TIAM1: variants seen among roughly 807,000 people sequenced by gnomAD.
The protein encoded by TIAM1 is TIAM Rac1 associated GEF 1.
TIAM1 carries 65 observed loss-of-function variants against 163.5 expected under a neutral mutation model. That is an observed-to-expected ratio of 0.40 (90% CI 0.33 to 0.49). The LOEUF is 0.49. TIAM1 is among the 20% of genes least tolerant of loss of function. TIAM1 has a pLI of 0.77. For missense variants in TIAM1, 1,789 were observed against 2,044.7 expected, an observed-to-expected ratio of 0.87 and a Z score of 2.41; for synonymous variants, 833 against 810.1, an observed-to-expected ratio of 1.03 and a Z score of -0.48.
At chr21:31,349,546 C>T (rs1248809096) in intron 2 of TIAM1, among the ~76,000 whole-genome samples, 1 of 152,172 alleles carries the variant, frequency 6.6e-6, no homozygotes, top group Non-Finnish European at 1.5e-5. Flanking sequence ...TACCTCCCTG[C>T]TCGGCAGCAA....
chr21:31,283,778 G>A (rs2073675916), intron 2 of TIAM1, among the ~76,000 whole-genome samples: 1 of 152,044 alleles, frequency 6.6e-6, no homozygotes, highest in African/African-American at 2.4e-5. Flanking sequence ...CTGACCTCAG[G>A]TGATCCACCC....
At position 31,266,649 on chromosome 21, in the gene TIAM1, G is replaced by A; in HGVS notation, c.324C>T (p.Val108=). The change falls in exon 4 of 28, where the codon GTC becomes GTT. Residue 108 remains valine (V), a synonymous_variant. Coordinates refer to ENST00000541036, the MANE Select transcript of TIAM1 (RefSeq NM_001353694.2). The part of the protein sequence containing the change: ...LRPVSYTDSS[V]TPSVDSSIVL... ...CGATGCTGCTGTCTACGCTGGGAGT[G>A]ACAGAAGAGTCAGTGTAAGACACAG... The A allele has an allele frequency of 1.2e-6, 2 of 1,614,228 alleles. No individual in the cohort carries two copies. The highest frequency in any genetic ancestry group is 2.2e-5 in the East Asian group (1 of 44,874).
intron 2 of TIAM1, among the ~76,000 whole-genome samples, chr21:31,295,098 C>T (rs1436299283): frequency 3.3e-5 from 5 of 152,180 alleles, no homozygotes; most frequent in Non-Finnish European, 7.3e-5. Context: ...TCACCATATG[C>T]TTAGCACCCA....
chr21:31,294,920 C>T (rs2074176083), intron 2 of TIAM1, among the ~76,000 whole-genome samples: 1 of 152,220 alleles, frequency 6.6e-6, no homozygotes, highest in African/African-American at 2.4e-5. Context: ...TTCTCTCACT[C>T]CGTCCCCACA....
Position 31,210,161 on chromosome 21 carries a change from T to C in TIAM1, c.2272A>G (p.Ile758Val), listed in dbSNP as rs770464992. 1.2e-6 allele frequency: 2 copies of C among 1,614,028 alleles called. No individual in the cohort carries two copies. Among genetic ancestry groups the C allele is most frequent in the African/African-American group, 1.3e-5 (1 of 74,916 alleles). The change falls in exon 11 of 28, where the codon ATT (isoleucine) becomes GTT (valine). Residue 758 changes from isoleucine (I) to valine (V), a missense_variant. Physicochemically the swap from Ile to Val is conservative, Grantham distance 29. Around this residue, in one of 5 missense-constraint regions of TIAM1, gnomAD observed 456 missense variants for 586.6 expected, o/e 0.78. Transcript: ENST00000541036. ...NVHQHNPDCD[I>V]WVHEYFTPSW... ...GGAGTGAAATACTCGTGGACCCAAA[T>C]GTCGCAGTCAGGGTTGTGCTGGTGA...
chr21:31,396,932 G>A (rs1442668229), intron 2 of TIAM1, among the ~76,000 whole-genome samples: 1 of 152,060 alleles, frequency 6.6e-6, no homozygotes, highest in Non-Finnish European at 1.5e-5. Flanking sequence ...CTGGGCGACA[G>A]AGTGAGACTC....
intron 1 of TIAM1, among the ~76,000 whole-genome samples, chr21:31,538,723 T>C (rs2048219879): frequency 6.6e-6 from 1 of 152,206 alleles, no homozygotes; most frequent in Non-Finnish European, 1.5e-5. Flanking sequence ...AATGCTGCCT[T>C]GGTTTCGAAA....
chr21:31,165,966 C>T (rs2084194421), intron 15 of TIAM1, among the ~76,000 whole-genome samples: 1 of 152,186 alleles, frequency 6.6e-6, no homozygotes, highest in Non-Finnish European at 1.5e-5. Context: ...GAGTGCCCAC[C>T]ACAGTGGTTC....
At chr21:31,514,139 A>G (rs1487236817) in intron 1 of TIAM1, among the ~76,000 whole-genome samples, 3 of 152,112 alleles carry the variant, frequency 2.0e-5, no homozygotes, top group Non-Finnish European at 4.4e-5. Context: ...CCCACCCTCA[A>G]TTGTATTTCA....
chr21:31,385,743 A>C (rs541507201), intron 2 of TIAM1, among the ~76,000 whole-genome samples: 125 of 150,022 alleles, frequency 8.3e-4, no homozygotes, highest in African/African-American at 3.0e-3. Flanking sequence ...TGTACCCTAC[A>C]CCAGCTGTTT....
intron 1 of TIAM1, among the ~76,000 whole-genome samples, chr21:31,508,099 C>T (rs557377061): frequency 1.3e-5 from 2 of 152,302 alleles, no homozygotes; most frequent in South Asian, 4.1e-4. Flanking sequence ...CAGCTGCACA[C>T]TGAGGAAGCC....
At chr21:31,172,220 C>T (rs1036747541) in intron 15 of TIAM1, among the ~76,000 whole-genome samples, 1 of 152,028 alleles carries the variant, frequency 6.6e-6, no homozygotes, top group South Asian at 2.1e-4. Flanking sequence ...TGGGAAAGGG[C>T]ATTGTTCTCA....
intron 3 of TIAM1, among the ~76,000 whole-genome samples, chr21:31,275,382 A>G (rs1452638031): frequency 6.6e-6 from 1 of 152,152 alleles, no homozygotes; most frequent in Non-Finnish European, 1.5e-5. Flanking sequence ...AGTTGAAGAG[A>G]GTAAGGATGT....
chr21:31,417,774 G>A lies in TIAM1; in HGVS notation c.-369+46209C>T, dbSNP rs568284580. Reference sequence around the variant, plus strand: ...GGAGGTTTTCAACAGGATGACCAGGGACAGTCTCGCTGAAAAAGAAACATG... The same window carrying A: ...GGAGGTTTTCAACAGGATGACCAGGAACAGTCTCGCTGAAAAAGAAACATG... On this transcript the variant is annotated intron_variant, in intron 2 of 28. Transcript: ENST00000286827. 9.2e-5 allele frequency among the ~76,000 whole-genome samples: 14 copies of A among 152,262 alleles called. No individual in the cohort carries two copies. In the East Asian group the frequency reaches 2.7e-3, roughly 29 times the overall value.
chr21:31,314,554 T>C lies in TIAM1; in HGVS notation c.-189+24689A>G, dbSNP rs1320247497. Reference sequence around the variant, plus strand: ...TCTTAAACAGGGACCCATATTTTTATTTCTCAACCCCAGTACACACACATA... The same window carrying C: ...TCTTAAACAGGGACCCATATTTTTACTTCTCAACCCCAGTACACACACATA... On this transcript the variant is annotated intron_variant, in intron 2 of 27. Coordinates refer to ENST00000541036, the MANE Select transcript of TIAM1 (RefSeq NM_001353694.2). Among the ~76,000 whole-genome samples, 4 of 152,190 alleles carry C rather than the reference T, an allele frequency of 2.6e-5. No homozygotes were observed. The East Asian group carries it at 7.7e-4, about 29-fold the overall frequency.
At chr21:31,239,325 C>T (rs1190192986) in intron 6 of TIAM1, among the ~76,000 whole-genome samples, 2 of 151,968 alleles carry the variant, frequency 1.3e-5, no homozygotes, top group African/African-American at 4.8e-5. Flanking sequence ...GAGACAGGGT[C>T]TTTCCATGTT....
intron 1 of TIAM1, among the ~76,000 whole-genome samples, chr21:31,552,721 G>T (rs2048735392): frequency 6.6e-6 from 1 of 152,160 alleles, no homozygotes; most frequent in Non-Finnish European, 1.5e-5. Context: ...AGTGAGCCGA[G>T]ATTGTGCCAC....
chr21:31,358,069 T>C (rs1340701679), intron 2 of TIAM1, among the ~76,000 whole-genome samples: 2 of 152,192 alleles, frequency 1.3e-5, no homozygotes, highest in Admixed American at 1.3e-4. Flanking sequence ...AGACTTGCTG[T>C]CCAGCTACGG....
At chr21:31,243,207 A>T (rs11701782) in intron 6 of TIAM1, among the ~76,000 whole-genome samples, 12,253 of 116,670 alleles carry the variant, frequency 0.11, 638 homozygotes, top group African/African-American at 0.2. Flanking sequence ...AAAAAAAAAA[A>T]AAATATATAT....
Sources: gnomAD v4.1 joint callset for allele counts (sites outside exome capture counted in the v4.1 genomes callset) on GRCh38, gnomAD v4.1.1 for gene constraint, gnomAD v4.1.1 regional missense constraint, MANE v1.5 for transcripts, NCBI Gene and HGNC (gene_info 2026-07-23, HGNC 2026-07-21) for gene names.